Variants in TTC28 observed in about 807,000 individuals in gnomAD.
TTC28 encodes tetratricopeptide repeat domain 28.
A neutral mutation model predicts 198.0 loss-of-function variants in TTC28; 61 were observed. The ratio of observed to expected loss-of-function variants is 0.31; its 90% confidence interval spans 0.25 to 0.38. TTC28 has a LOEUF of 0.38. Ranked by LOEUF, TTC28 falls within the 10% of genes least tolerant of loss-of-function variation. The pLI, the probability that TTC28 is intolerant of heterozygous loss-of-function variation, is 1.00. For synonymous variants in TTC28, 1,171 were observed against 1,297.8 expected, an observed-to-expected ratio of 0.90 and a Z score of 2.10; for missense variants, 2,678 against 3,164.0, an observed-to-expected ratio of 0.85 and a Z score of 3.69.
intron 12 of TTC28, among the ~76,000 whole-genome samples, chr22:28,039,707 A>C (rs2146667790): frequency 6.6e-6 from 1 of 152,332 alleles, no homozygotes; most frequent in South Asian, 2.1e-4. Flanking sequence ...CAAATTCAAA[A>C]GCTAGCAGAA....
chr22:28,056,238 C>T (rs1940283114), intron 12 of TTC28: 4 of 152,110 alleles, frequency 2.6e-5, no homozygotes, highest in Admixed American at 2.6e-4. Context: ...TGATCCGCAC[C>T]AGAGTTCTCA....
intron 2 of TTC28, among the ~76,000 whole-genome samples, chr22:28,314,967 G>A (rs1455300585): frequency 2.0e-5 from 3 of 152,154 alleles, no homozygotes; most frequent in African/African-American, 4.8e-5. Context: ...GGGATTGTTT[G>A]TTTGCAATAC....
intron 12 of TTC28, among the ~76,000 whole-genome samples, chr22:28,059,516 G>A (rs758212086): frequency 1.3e-5 from 2 of 151,940 alleles, no homozygotes; most frequent in African/African-American, 2.4e-5. Flanking sequence ...GGGATATGAT[G>A]TTCTATAACT....
intron 2 of TTC28, among the ~76,000 whole-genome samples, chr22:28,552,368 C>T (rs551807081): frequency 3.3e-5 from 5 of 151,852 alleles, no homozygotes; most frequent in African/African-American, 9.7e-5. Context: ...CTTCACGGAA[C>T]GAGAAAAAAA....
chr22:28,163,503 CAAG>C lies in TTC28; in HGVS notation c.1027_1029del (p.Leu343del). 2 of 1,551,744 alleles carry C rather than the reference CAAG, an allele frequency of 1.3e-6. No individual in the cohort carries two copies. Among genetic ancestry groups the C allele is most frequent in the Non-Finnish European group, 1.7e-6 (2 of 1,147,000 alleles). On this transcript the variant is annotated inframe_deletion, in exon 6 of 23. Transcript: ENST00000397906. ...GAAAGTTCATCTTTGGATTGCTTGG[CAAG>C]AAGAACACACTGTTTGTGACTGGCC...
chr22:27,994,158 C>T (rs1269274449), intron 17 of TTC28, among the ~76,000 whole-genome samples: 1 of 152,220 alleles, frequency 6.6e-6, no homozygotes, highest in Non-Finnish European at 1.5e-5. Flanking sequence ...TAAGTGGCGG[C>T]AGCTGAGAGG....
chr22:28,103,799 G>A (rs1942223203), intron 8 of TTC28, among the ~76,000 whole-genome samples: 1 of 152,212 alleles, frequency 6.6e-6, no homozygotes, highest in South Asian at 2.1e-4. Context: ...CTGTTTCATG[G>A]AAATAGTATT....
chr22:28,079,448 A>G (rs1310789151), intron 12 of TTC28, among the ~76,000 whole-genome samples: 1 of 152,112 alleles, frequency 6.6e-6, no homozygotes, highest in Non-Finnish European at 1.5e-5. Context: ...TGTGCAACAA[A>G]TCTCAAGAAA....
At chr22:28,182,128 C>T (rs1334139780) in intron 5 of TTC28, among the ~76,000 whole-genome samples, 1 of 152,074 alleles carries the variant, frequency 6.6e-6, no homozygotes, top group East Asian at 1.9e-4. Context: ...ACTCTCAGTC[C>T]CACCTACATT....
chr22:28,273,208 T>C (rs908247702), intron 5 of TTC28, among the ~76,000 whole-genome samples: 4 of 152,136 alleles, frequency 2.6e-5, no homozygotes, highest in Non-Finnish European at 5.9e-5. Flanking sequence ...AGGAAGATAA[T>C]ACCATTGAGA....
intron 12 of TTC28, among the ~76,000 whole-genome samples, chr22:28,060,196 C>CA (rs1281387801): frequency 1.3e-5 from 2 of 152,070 alleles, no homozygotes; most frequent in African/African-American, 4.8e-5. Context: ...GTGCTGCACC[C>CA]ATTAACTCAT....
chr22:28,391,258 C>T (rs920237275), intron 2 of TTC28, among the ~76,000 whole-genome samples: 10 of 152,226 alleles, frequency 6.6e-5, no homozygotes, highest in Admixed American at 1.3e-4. Flanking sequence ...GACCTTTCTC[C>T]CTGGCTGTCC....
At chr22:28,326,973 CAA>C (rs1491166530) in intron 2 of TTC28, among the ~76,000 whole-genome samples, 169 of 94,578 alleles carry the variant, frequency 1.8e-3, no homozygotes, top group African/African-American at 5.6e-3. Context: ...TACACAAACA[CAA>C]ACACACACAC....
intron 14 of TTC28, among the ~76,000 whole-genome samples, chr22:28,010,822 C>G (rs1363425636): frequency 1.3e-5 from 2 of 152,230 alleles, no homozygotes; most frequent in Non-Finnish European, 2.9e-5. Flanking sequence ...TGGCTGATTT[C>G]TAAGTTGGCT....
chr22:28,535,264 T>C (rs1031593658), intron 2 of TTC28, among the ~76,000 whole-genome samples: 1 of 152,184 alleles, frequency 6.6e-6, no homozygotes, highest in Non-Finnish European at 1.5e-5. Flanking sequence ...TGTAAGGGCA[T>C]AAATATTAAT....
chr22:28,161,999 C>A (rs1039927625), intron 6 of TTC28, among the ~76,000 whole-genome samples: 1 of 152,144 alleles, frequency 6.6e-6, no homozygotes, highest in Non-Finnish European at 1.5e-5. Flanking sequence ...GTCAACTTCT[C>A]TTTGTCCTCT....
Position 28,487,232 on chromosome 22 carries a change from AT to A in TTC28, c.381+142319del, listed in dbSNP as rs1002351320. On this transcript the variant is annotated intron_variant, in intron 2 of 22. Transcript: ENST00000397906. The stretch of plus-strand genomic sequence containing the variant: ...TTTCCAAAATGAATATAGCTTTATC[AT>A]TTTTTAATAATAAGATTAATAAATT... Among the ~76,000 whole-genome samples the A allele has an allele frequency of 1.3e-4, 20 of 152,096 alleles. No individual in the cohort carries two copies. The East Asian group carries it at 2.3e-3, about 18-fold the overall frequency.
intron 2 of TTC28, among the ~76,000 whole-genome samples, chr22:28,576,566 T>C (rs1414047662): frequency 6.6e-6 from 1 of 152,122 alleles, no homozygotes; most frequent in East Asian, 1.9e-4. Flanking sequence ...TTGGTATTAG[T>C]TCTTCTTTAA....
At chr22:28,557,553 C>T (rs1314372524) in intron 2 of TTC28, among the ~76,000 whole-genome samples, 2 of 152,174 alleles carry the variant, frequency 1.3e-5, no homozygotes, top group East Asian at 1.9e-4. Context: ...TCTTGCTGCT[C>T]GCTCATTTTT....
Sources: gnomAD v4.1 joint callset for allele counts (sites outside exome capture counted in the v4.1 genomes callset) on GRCh38, gnomAD v4.1.1 for gene constraint, MANE v1.5 for transcripts, NCBI Gene and HGNC (gene_info 2026-07-23, HGNC 2026-07-21) for gene names.